SLC44A1: variants seen among roughly 807,000 people sequenced by gnomAD.
The protein encoded by SLC44A1 is solute carrier family 44 member 1, also known as choline transporter-like protein 1.
Under a neutral mutation model 79.3 loss-of-function variants are expected in SLC44A1, and 26 were observed. The ratio of observed to expected loss-of-function variants is 0.33; its 90% CI spans 0.24 to 0.46. The LOEUF (loss-of-function observed/expected upper bound fraction) is 0.46, where lower values mean the gene tolerates loss of function less well. SLC44A1 is among the 20% of genes least tolerant of loss of function. SLC44A1 has a pLI of 1.00. For synonymous variants in SLC44A1, 263 were observed against 286.2 expected, an observed-to-expected ratio of 0.92 and a Z score of 0.82; for missense variants, 688 against 798.1, an observed-to-expected ratio of 0.86 and a Z score of 1.66.
In SLC44A1 at chr9:105,438,367, T is replaced by C; in HGVS notation, c.*72T>C. 3 of 1,248,484 alleles carry C rather than the reference T, an allele frequency of 2.4e-6. No homozygotes were observed. The South Asian group carries it at 3.9e-5, about 16-fold the overall frequency. The allele number at this position is 1,248,484 out of a possible 1,614,324, so 77.3% of individuals were successfully genotyped here. A position where few individuals can be genotyped will look rare whatever the true frequency, so the allele number is the denominator to read the frequency against. Reference sequence around the variant, plus strand: ...ATGAGGTTCTCCCACTCACCAGCTGTTGAGAGTCTGCGATTATGAAGAGCA... The same window carrying C: ...ATGAGGTTCTCCCACTCACCAGCTGCTGAGAGTCTGCGATTATGAAGAGCA... On this transcript the variant is annotated 3_prime_UTR_variant, in exon 16 of 16. Coordinates refer to the SLC44A1 transcript ENST00000374724.
chr9:105,297,087 G>C (rs1210041898), intron 1 of SLC44A1, among the ~76,000 whole-genome samples: 1 of 152,192 alleles, frequency 6.6e-6, no homozygotes, highest in African/African-American at 2.4e-5. Context: ...ATGCTAGTTA[G>C]AGTCTTAGGG....
intron 2 of SLC44A1, among the ~76,000 whole-genome samples, chr9:105,302,594 T>G (rs1056159657): frequency 2.0e-5 from 3 of 151,682 alleles, no homozygotes; most frequent in Non-Finnish European, 1.5e-5. Flanking sequence ...TCAAGTGATC[T>G]GCATGCCTCG....
intron 12 of SLC44A1, among the ~76,000 whole-genome samples, chr9:105,369,727 C>A (rs1828044290): frequency 6.6e-6 from 1 of 152,100 alleles, no homozygotes; most frequent in African/African-American, 2.4e-5. Context: ...ATATTTTAAA[C>A]TTTAAGAGAA....
intron 4 of SLC44A1, among the ~76,000 whole-genome samples, chr9:105,338,665 C>T (rs552897625): frequency 5.3e-5 from 8 of 152,288 alleles, no homozygotes; most frequent in African/African-American, 7.2e-5. Flanking sequence ...CCTCCCTCCT[C>T]GGCCTCTCAA....
chr9:105,350,301 A>G (rs772117685), intron 5 of SLC44A1, among the ~76,000 whole-genome samples: 68 of 152,204 alleles, frequency 4.5e-4, no homozygotes, highest in Non-Finnish European at 2.8e-4. Context: ...TACCAGAGCT[A>G]TATAGTATTA....
Position 105,244,816 on chromosome 9 carries a change from T to C in SLC44A1, c.-53T>C. On this transcript the variant is annotated 5_prime_UTR_variant, in exon 1 of 16. Transcript: ENST00000374720. ...CCCGCCGGCTCGCATGCCGAGGGGC[T>C]CCGGGGCGTAGCTGCGCGCCCGGCG... 9.3e-7 allele frequency: 1 copy of C among 1,075,314 alleles called. No homozygotes were observed. The highest frequency in any genetic ancestry group is 1.1e-6 in the Non-Finnish European group (1 of 883,310). 66.6% of individuals were successfully genotyped at this position (1,075,314 alleles called of 1,614,324 possible).
chr9:105,393,964 A>T lies in SLC44A1; in HGVS notation c.*4908A>T. 1.0e-6 allele frequency: 1 copy of T among 984,004 alleles called. No individual in the cohort carries two copies. The highest frequency in any genetic ancestry group is 1.2e-6 in the Non-Finnish European group (1 of 828,618). The allele number at this position is 984,004 out of a possible 1,614,324, so 61.0% of individuals were successfully genotyped here. ...AAATTTCTCACTTTTATTTGCTAAG[A>T]CCTGAATTTAATATTTGATATTCAA... is the stretch of plus-strand genomic sequence containing the variant. On this transcript the variant is annotated 3_prime_UTR_variant, in exon 16 of 16. Transcript: ENST00000374720.
intron 5 of SLC44A1, among the ~76,000 whole-genome samples, chr9:105,352,436 T>C (rs1047457537): frequency 6.6e-6 from 1 of 152,176 alleles, no homozygotes; most frequent in Non-Finnish European, 1.5e-5. Flanking sequence ...AAATGGACAG[T>C]ATGTTTGCCA....
At chr9:105,433,361 T>C (rs954265962) in intron 15 of SLC44A1, among the ~76,000 whole-genome samples, 2 of 151,936 alleles carry the variant, frequency 1.3e-5, no homozygotes, top group African/African-American at 4.8e-5. Context: ...CCCAAATGGA[T>C]GAAAGATTTA....
intron 15 of SLC44A1, among the ~76,000 whole-genome samples, chr9:105,413,990 TA>T (rs111839703): frequency 8.3e-4 from 121 of 144,994 alleles, no homozygotes; most frequent in South Asian, 1.7e-3. Flanking sequence ...GTCAGAAAGT[TA>T]AAAAAAAAAA....
At chr9:105,345,843 T>C (rs2131376702) in intron 4 of SLC44A1, among the ~76,000 whole-genome samples, 1 of 152,264 alleles carries the variant, frequency 6.6e-6, no homozygotes, top group East Asian at 1.9e-4. Context: ...ATGGATTGCC[T>C]CTGGTGTGCT....
chr9:105,327,669 A>C (rs975490518), intron 3 of SLC44A1, among the ~76,000 whole-genome samples: 1 of 152,004 alleles, frequency 6.6e-6, no homozygotes, highest in Non-Finnish European at 1.5e-5. Context: ...TGCTCCCTTT[A>C]ACCTTTTTGC....
chr9:105,294,347 T>A (rs1028857042), intron 1 of SLC44A1, among the ~76,000 whole-genome samples: 3 of 152,238 alleles, frequency 2.0e-5, no homozygotes, highest in Non-Finnish European at 4.4e-5. Context: ...TAACATTTCT[T>A]ACAGTTCAGG....
intron 1 of SLC44A1, among the ~76,000 whole-genome samples, chr9:105,246,431 A>C (rs1829453232): frequency 7.4e-6 from 1 of 134,886 alleles, no homozygotes; most frequent in African/African-American, 2.8e-5. Context: ...TCCTGCTAGC[A>C]TTATAGTCAG....
At chr9:105,257,633 C>T (rs1294485028) in intron 1 of SLC44A1, among the ~76,000 whole-genome samples, 1 of 152,070 alleles carries the variant, frequency 6.6e-6, no homozygotes, top group Non-Finnish European at 1.5e-5. Context: ...ACGGGGAAAC[C>T]AAGAGAGGAA....
intron 3 of SLC44A1, among the ~76,000 whole-genome samples, chr9:105,323,925 C>T (rs1272619457): frequency 6.6e-6 from 1 of 152,310 alleles, no homozygotes; most frequent in East Asian, 1.9e-4. Context: ...CATTGCATGT[C>T]CTTTTTTGCC....
intron 4 of SLC44A1, among the ~76,000 whole-genome samples, chr9:105,340,690 C>G (rs1038949501): frequency 6.6e-6 from 1 of 152,098 alleles, no homozygotes; most frequent in African/African-American, 2.4e-5. Context: ...AAATGCTTTT[C>G]AAAGAATTTT....
intron 12 of SLC44A1, among the ~76,000 whole-genome samples, chr9:105,372,717 A>G (rs7853151): frequency 0.41 from 59,701 of 143,882 alleles, 12,790 homozygotes; most frequent in African/African-American, 0.53. Flanking sequence ...TTGGGAGGCC[A>G]AGGCGGGCGG....
At chr9:105,432,882 T>C (rs1206577271) in intron 15 of SLC44A1, among the ~76,000 whole-genome samples, 1 of 151,992 alleles carries the variant, frequency 6.6e-6, no homozygotes, top group Non-Finnish European at 1.5e-5. Flanking sequence ...CTGTAAAAAA[T>C]AAGAACTTCA....
Sources: allele counts gnomAD v4.1 joint callset (sites outside exome capture counted in the v4.1 genomes callset), GRCh38; gene constraint gnomAD v4.1.1; transcripts MANE v1.5; gene names NCBI Gene and HGNC (gene_info 2026-07-23, HGNC 2026-07-21).